The following CFI variants were observed in gnomAD, a reference collection of about 807,000 sequenced individuals.
The protein encoded by CFI is C3B/C4B inactivator.
A neutral mutation model predicts 78.8 loss-of-function variants in CFI; 66 were observed. The observed-to-expected ratio is 0.84, with a 90% CI of 0.69 to 1.03. The LOEUF is 1.03. CFI is among the 50% of genes least tolerant of loss of function. The pLI is 0.00. For synonymous variants in CFI, 250 were observed against 232.6 expected (o/e 1.07, Z -0.68); for missense variants, 706 against 704.5 (o/e 1.00, Z -0.02).
At chr4:109,769,180 T>G (rs575439917) in intron 1 of CFI, among the ~76,000 whole-genome samples, 1 of 152,330 alleles carries the variant, frequency 6.6e-6, no homozygotes, top group Admixed American at 6.5e-5. Flanking sequence ...CTTTATTCCT[T>G]TAAATCATTT....
chr4:109,794,432 G>T (rs1218980228), intron 1 of CFI: 1 of 152,008 alleles, frequency 6.6e-6, no homozygotes, highest in East Asian at 1.9e-4. Flanking sequence ...AAACCTATTA[G>T]AAAATTTTTC....
chr4:109,781,575 G>A (rs1730039701), intron 1 of CFI, among the ~76,000 whole-genome samples: 3 of 152,050 alleles, frequency 2.0e-5, no homozygotes, highest in African/African-American at 7.2e-5. Context: ...AATTCTACCA[G>A]ACACTCAAAG....
chr4:109,783,547 G>C (rs1454438315), intron 1 of CFI, among the ~76,000 whole-genome samples: 1 of 151,898 alleles, frequency 6.6e-6, no homozygotes. Context: ...TGGATGTGGT[G>C]ATCAGGGAAC....
chr4:109,771,604 C>A (rs1728604287), intron 1 of CFI, among the ~76,000 whole-genome samples: 1 of 148,298 alleles, frequency 6.7e-6, no homozygotes, highest in South Asian at 2.1e-4. Flanking sequence ...ATCCCAGCTA[C>A]TCAGGAGGCT....
At chr4:109,738,137 C>T (rs548471465), downstream of CFI, among the ~76,000 whole-genome samples, 12 of 135,340 alleles carry the variant, frequency 8.9e-5, no homozygotes, top group South Asian at 1.2e-3. Context: ...TTTTTTAAGA[C>T]GAGGTCTTGA....
intron 2 of CFI, among the ~76,000 whole-genome samples, chr4:109,766,087 C>T (rs187975060): frequency 9.4e-4 from 143 of 152,202 alleles, no homozygotes; most frequent in Middle Eastern, 3.4e-3. Flanking sequence ...CACTGCACTC[C>T]AGCCTGGGCA....
downstream of CFI, among the ~76,000 whole-genome samples, chr4:109,738,106 A>G (rs1448151451): frequency 1.7e-5 from 2 of 120,326 alleles, no homozygotes; most frequent in East Asian, 2.5e-4. Context: ...GCACTGGAGT[A>G]CTTTTCTTTT....
intron 1 of CFI, among the ~76,000 whole-genome samples, chr4:109,801,554 G>C (rs558076934): frequency 5.3e-5 from 8 of 152,254 alleles, no homozygotes; most frequent in African/African-American, 1.9e-4. Context: ...AGCGTACTAA[G>C]AGGCTGTTGA....
chr4:109,747,850 G>C (rs1291353798), intron 10 of CFI, among the ~76,000 whole-genome samples: 1 of 152,136 alleles, frequency 6.6e-6, no homozygotes, highest in Non-Finnish European at 1.5e-5. Context: ...CCAGGCATTA[G>C]ATTCTCATAA....
Position 109,740,828 on chromosome 4 carries a change from G to T in CFI, c.*65C>A, listed in dbSNP as rs781740283. On this transcript the variant is annotated 3_prime_UTR_variant, in exon 13 of 13. Transcript: ENST00000394634. ...CCCCTAGAGAATTATTAATTATACC[G>T]TTTTATTTCCATTAAATGGAACTCT... is the stretch of plus-strand genomic sequence containing the variant. The T allele has an allele frequency of 7.0e-7, 1 of 1,424,824 alleles. No homozygotes were observed. Among genetic ancestry groups the T allele is most frequent in the Non-Finnish European group, 9.9e-7 (1 of 1,010,610 alleles). The allele number at this position is 1,424,824 out of a possible 1,614,324, so 88.3% of individuals were successfully genotyped here. A position where few individuals can be genotyped will look rare whatever the true frequency, so the allele number is the denominator to read the frequency against.
At chr4:109,786,093 C>A (rs1730702697) in intron 1 of CFI, among the ~76,000 whole-genome samples, 2 of 152,040 alleles carry the variant, frequency 1.3e-5, no homozygotes, top group South Asian at 2.1e-4. Context: ...AGTGCAGTGA[C>A]AATTTCAGCT....
At chr4:109,746,585 C>T (rs1724489032) in intron 10 of CFI, 83 bp from the exon 11 acceptor site, 5 of 1,225,208 alleles carry the variant, frequency 4.1e-6, no homozygotes, top group Non-Finnish European at 5.6e-6. Context: ...TATATTTTTC[C>T]CTTTTAAAAA....
chr4:109,743,202 A>G (rs921246653), intron 11 of CFI, among the ~76,000 whole-genome samples: 8 of 152,128 alleles, frequency 5.3e-5, no homozygotes, highest in African/African-American at 1.9e-4. Context: ...CCAGCCAGGA[A>G]GGAGTTTATT....
intron 2 of CFI, among the ~76,000 whole-genome samples, chr4:109,766,177 A>C (rs1467365699): frequency 6.6e-6 from 1 of 152,154 alleles, no homozygotes; most frequent in East Asian, 1.9e-4. Flanking sequence ...CTGAGGCCTG[A>C]CTAGACTACA....
At chr4:109,744,677 C>T (rs766836938) in intron 11 of CFI, among the ~76,000 whole-genome samples, 18 of 152,124 alleles carry the variant, frequency 1.2e-4, no homozygotes, top group South Asian at 2.1e-4. Flanking sequence ...TGGGTACCTG[C>T]GTAGCCCCTG....
intron 1 of CFI, among the ~76,000 whole-genome samples, chr4:109,796,899 A>G (rs1254854663): frequency 1.3e-5 from 2 of 152,248 alleles, no homozygotes; most frequent in Non-Finnish European, 2.9e-5. Context: ...TGAAGACTGT[A>G]AAACACTGAT....
At chr4:109,753,655 TTA>T (rs1358352496) in intron 7 of CFI, among the ~76,000 whole-genome samples, 2 of 83,944 alleles carry the variant, frequency 2.4e-5, no homozygotes, top group Admixed American at 2.1e-4. Context: ...ATATTATATA[TTA>T]TATAATGTAT....
intron 6 of CFI, among the ~76,000 whole-genome samples, chr4:109,759,035 G>C (rs1317018984): frequency 6.6e-6 from 1 of 152,206 alleles, no homozygotes; most frequent in Non-Finnish European, 1.5e-5. Context: ...AGAGGTTGCA[G>C]TGAGCCTACA....
At position 109,785,108 on chromosome 4, in the gene CFI, A is replaced by T. The variant is rs117342461; in HGVS notation, c.57+16807T>A. On this transcript the variant is annotated intron_variant, in intron 1 of 12. Transcript: ENST00000394634. ...CTGCCCACAAATTGCTCCTAACTCCACTGTCTGTCCCAAACCTATAAGAAC... is the reference window on the plus strand; with the variant it reads ...CTGCCCACAAATTGCTCCTAACTCCTCTGTCTGTCCCAAACCTATAAGAAC... 9.3e-3 allele frequency among the ~76,000 whole-genome samples: 1,419 copies of T among 151,964 alleles called. 65 individuals are homozygous for T. In the East Asian group the frequency reaches 0.13, roughly 13 times the overall value.
Sources: allele counts gnomAD v4.1 joint callset (sites outside exome capture counted in the v4.1 genomes callset), GRCh38; gene constraint gnomAD v4.1.1; transcripts MANE v1.5; gene names NCBI Gene and HGNC (gene_info 2026-07-23, HGNC 2026-07-21).